The following RXRA variants were observed in gnomAD, a reference collection of about 807,000 sequenced individuals.
The protein encoded by RXRA is retinoid X receptor alpha, also known as retinoic acid receptor RXR-alpha.
A neutral mutation model predicts 44.5 loss-of-function variants in RXRA; 5 were observed. That is an observed-to-expected ratio of 0.11 (90% CI 0.06 to 0.24). RXRA has a LOEUF of 0.24. Ranked by LOEUF, RXRA falls within the 10% of genes least tolerant of loss-of-function variation. RXRA has a pLI of 1.00. For missense variants in RXRA, 412 were observed against 646.5 expected (o/e 0.64, Z 3.93); for synonymous variants, 291 against 271.4 (o/e 1.07, Z -0.71).
intron 1 of RXRA, among the ~76,000 whole-genome samples, chr9:134,356,318 A>G (rs1196289549): frequency 1.3e-5 from 2 of 152,024 alleles, no homozygotes; most frequent in African/African-American, 2.4e-5. Flanking sequence ...TGCTCTCCTC[A>G]TTGGTAAAAA....
chr9:134,401,460 GC>G, intron 1 of RXRA, 171 bp from the exon 2 acceptor site: 1 of 987,966 alleles, frequency 1.0e-6, no homozygotes, highest in Non-Finnish European at 1.5e-6. Flanking sequence ...GGCACACCTG[GC>G]CCGTAGTGAG....
At chr9:134,421,140 T>A (rs905317525) in intron 5 of RXRA, among the ~76,000 whole-genome samples, 1 of 152,214 alleles carries the variant, frequency 6.6e-6, no homozygotes, top group African/African-American at 2.4e-5. Context: ...TGCGTCCTGC[T>A]GTAACCCAGT....
intron 1 of RXRA, among the ~76,000 whole-genome samples, chr9:134,350,082 G>T (rs528621204): frequency 1.3e-5 from 2 of 151,950 alleles, no homozygotes; most frequent in Admixed American, 6.5e-5. Context: ...GTGTAGGGGG[G>T]GGTGGAAGGT....
chr9:134,341,405 GAGGA>G (rs1393292433), intron 1 of RXRA, among the ~76,000 whole-genome samples: 3 of 152,200 alleles, frequency 2.0e-5, no homozygotes, highest in Admixed American at 1.3e-4. Context: ...CCTCCTCTGG[GAGGA>G]ACCTGGAGCC....
At chr9:134,419,695 C>T (rs1367674886) in intron 5 of RXRA, among the ~76,000 whole-genome samples, 2 of 152,204 alleles carry the variant, frequency 1.3e-5, no homozygotes, top group African/African-American at 2.4e-5. Flanking sequence ...ACATGAGGCA[C>T]GTTGGATCTC....
chr9:134,348,634 G>A (rs751102111), intron 1 of RXRA, among the ~76,000 whole-genome samples: 2 of 152,240 alleles, frequency 1.3e-5, no homozygotes, highest in Non-Finnish European at 2.9e-5. Context: ...GTGGCACTGC[G>A]ATGGAGGGCT....
At chr9:134,362,131 T>G (rs1830359571) in intron 1 of RXRA, among the ~76,000 whole-genome samples, 1 of 151,992 alleles carries the variant, frequency 6.6e-6, no homozygotes, top group South Asian at 2.1e-4. Context: ...GCCCTGGGCC[T>G]TCTGTGCGGG....
chr9:134,332,853 C>T (rs1171530219), intron 1 of RXRA, among the ~76,000 whole-genome samples: 1 of 151,990 alleles, frequency 6.6e-6, no homozygotes, highest in Non-Finnish European at 1.5e-5. Flanking sequence ...CTGTGAATGG[C>T]CTTGCACCCT....
intron 1 of RXRA, among the ~76,000 whole-genome samples, chr9:134,330,714 G>A (rs1007828357): frequency 7.9e-5 from 12 of 152,222 alleles, no homozygotes; most frequent in Admixed American, 3.3e-4. Flanking sequence ...GTTCTGACAG[G>A]TGGTGTCCCA....
intron 1 of RXRA, among the ~76,000 whole-genome samples, chr9:134,400,329 G>T (rs1028301440): frequency 1.3e-5 from 2 of 152,202 alleles, no homozygotes; most frequent in African/African-American, 4.8e-5. Flanking sequence ...GGAGCCAGGG[G>T]TGTCCCCTGA....
At chr9:134,406,479 A>G (rs1018744042) in intron 2 of RXRA, 1 of 151,930 alleles carries the variant, frequency 6.6e-6, no homozygotes, top group Non-Finnish European at 1.5e-5. Flanking sequence ...GCTCACAGTG[A>G]TTAAATCATT....
At chr9:134,331,235 G>A (rs868982860) in intron 1 of RXRA, among the ~76,000 whole-genome samples, 11 of 152,248 alleles carry the variant, frequency 7.2e-5, no homozygotes, top group African/African-American at 2.4e-4. Context: ...CGAGCCTGGT[G>A]CGAGATGTTC....
chr9:134,399,830 G>A (rs1324650931), intron 1 of RXRA, among the ~76,000 whole-genome samples: 1 of 152,234 alleles, frequency 6.6e-6, no homozygotes, highest in Non-Finnish European at 1.5e-5. Flanking sequence ...CTGCAGTGCT[G>A]GCTGAATCTG....
chr9:134,377,950 C>T (rs918945486), intron 1 of RXRA, among the ~76,000 whole-genome samples: 18 of 152,316 alleles, frequency 1.2e-4, no homozygotes, highest in South Asian at 1.0e-3. Context: ...CAGGTGTGTG[C>T]GGAAGGGCCG....
chr9:134,333,101 C>T lies in RXRA; in HGVS notation c.28+6442C>T, dbSNP rs139221781. On this transcript the variant is annotated intron_variant, in intron 1 of 9. Transcript: ENST00000481739. ...GTAGAGCAGCCGGGCCTCTTGGGGC[C>T]GGATCAGGGATGCTGAGACCATGGA... 7.4e-3 allele frequency among the ~76,000 whole-genome samples: 1,120 copies of T among 152,224 alleles called. 10 individuals are homozygous for T. Among genetic ancestry groups the T allele is most frequent in the African/African-American group, 0.025 (1,041 of 41,540 alleles).
rs1831698020 is a variant in RXRA at position 134,439,727 on chromosome 9, A to T, written c.*3113A>T. On this transcript the variant is annotated 3_prime_UTR_variant, in exon 10 of 10. Coordinates refer to ENST00000481739, the MANE Select transcript of RXRA (RefSeq NM_002957.6). ...CTCGTCCACGCAGGTGTGTGGTGTAAACATGTATGTGCTGTACAGAGAGAC... is the reference window on the plus strand; with the variant it reads ...CTCGTCCACGCAGGTGTGTGGTGTATACATGTATGTGCTGTACAGAGAGAC... The T allele has an allele frequency of 6.6e-6, 1 of 152,360 alleles. No individual in the cohort carries two copies. The highest frequency in any genetic ancestry group is 1.5e-5 in the Non-Finnish European group (1 of 68,136). 9.4% of individuals were successfully genotyped at this position (152,360 alleles called of 1,614,324 possible).
intron 8 of RXRA, 37 bp downstream of exon 8, chr9:134,432,033 C>T (rs781010492): frequency 4.5e-6 from 7 of 1,542,964 alleles, no homozygotes; most frequent in Non-Finnish European, 4.5e-6. Flanking sequence ...TGGCCCCGTT[C>T]TCTGGTGGGG....
chr9:134,405,758 A>T, intron 2 of RXRA: 1 of 152,846 alleles, frequency 6.5e-6, no homozygotes, highest in Admixed American at 6.5e-5. Flanking sequence ...GCTCCTGCTC[A>T]CACGCCTCGG....
intron 1 of RXRA, among the ~76,000 whole-genome samples, chr9:134,368,637 TGGTGTGTGTGTGAG>T (rs1830445737): frequency 6.6e-6 from 1 of 151,390 alleles, no homozygotes; most frequent in African/African-American, 2.4e-5. Context: ...TGTGGCTGTG[TGGTGTGTGTGTGAG>T]GGTGTGTGTG....
Sources: gnomAD v4.1 joint callset for allele counts (sites outside exome capture counted in the v4.1 genomes callset) on GRCh38, gnomAD v4.1.1 for gene constraint, MANE v1.5 for transcripts, NCBI Gene and HGNC (gene_info 2026-07-23, HGNC 2026-07-21) for gene names.